Variants in FANCL observed in about 807,000 individuals in gnomAD.
FANCL encodes E3 ubiquitin-protein ligase FANCL.
A neutral mutation model predicts 59.4 loss-of-function variants in FANCL; 69 were observed. That is an observed-to-expected ratio of 1.16 (90% confidence interval 0.96 to 1.42). FANCL has a LOEUF of 1.42. FANCL is among the 40% of genes most tolerant of loss of function. The probability of loss-of-function intolerance (pLI) is 0.00; values close to 1 mark genes in which losing one functional copy is unlikely to be tolerated. For synonymous variants in FANCL, 180 were observed against 147.1 expected, an observed-to-expected ratio of 1.22 and a Z score of -1.62; for missense variants, 519 against 447.2, an observed-to-expected ratio of 1.16 and a Z score of -1.45.
chr2:58,194,360 G>T, intron 7 of FANCL: 1 of 466,980 alleles, frequency 2.1e-6, no homozygotes. Flanking sequence ...TCTCAGTCAA[G>T]AGTATTTACA....
At chr2:58,192,882 CT>C (rs1248084102) in intron 7 of FANCL, among the ~76,000 whole-genome samples, 1 of 151,786 alleles carries the variant, frequency 6.6e-6, no homozygotes, top group Admixed American at 6.6e-5. Flanking sequence ...AACAAAAAAC[CT>C]TGCAAACTTA....
At chr2:58,202,388 A>T (rs927779652) in intron 6 of FANCL, among the ~76,000 whole-genome samples, 84 of 146,146 alleles carry the variant, frequency 5.7e-4, no homozygotes, top group African/African-American at 1.6e-3. Flanking sequence ...TTTTTTTCCT[A>T]AAAAAAAAAA....
chr2:58,204,170 G>A lies in FANCL; in HGVS notation c.431C>T (p.Ser144Phe), dbSNP rs36059257. 6.2e-7 allele frequency: 1 copy of A among 1,613,262 alleles called. No individual in the cohort carries two copies. ...STIKLKAEDA[S>F]GREHLITLKL... ...GAGAGTGATTAAATGCTCTCTACCA[G>A]AAGCATCTTCTGCTTTTAACTTGAT... The change falls in exon 6 of 14, where the codon TCT (serine) becomes TTT (phenylalanine). Residue 144 changes from serine to phenylalanine, a missense_variant. By Grantham distance (155) the Ser-to-Phe change is radical. Transcript: ENST00000233741.
At chr2:58,196,502 C>T (rs948177484) in intron 7 of FANCL, among the ~76,000 whole-genome samples, 3 of 151,846 alleles carry the variant, frequency 2.0e-5, no homozygotes, top group African/African-American at 7.2e-5. Flanking sequence ...CAAAACAAAA[C>T]TTGTATGACC....
In FANCL at chr2:58,168,042, T is replaced by C. The variant is rs867533843; in HGVS notation, c.541-2168A>G. Among the ~76,000 whole-genome samples, 7 of 152,200 alleles carry C rather than the reference T, an allele frequency of 4.6e-5. No individual in the cohort carries two copies. The South Asian group carries it at 1.5e-3, about 32-fold the overall frequency. On this transcript the variant is annotated intron_variant, in intron 7 of 13. Coordinates refer to ENST00000233741, the MANE Select transcript of FANCL (RefSeq NM_018062.4). ...AATACTTTATATACAGCACCACAAA[T>C]GCCAAGAAATAATATGGCCAAAATT... is the stretch of plus-strand genomic sequence containing the variant.
intron 5 of FANCL, among the ~76,000 whole-genome samples, chr2:58,217,171 TATATATA>T (rs1558806338): frequency 4.5e-5 from 1 of 21,986 alleles, no homozygotes; most frequent in African/African-American, 2.0e-4. Flanking sequence ...ATATTTTATA[TATATATA>T]TATATATATA....
intron 3 of FANCL, 109 bp downstream of exon 3, chr2:58,229,705 C>A: frequency 1.2e-6 from 1 of 828,746 alleles, no homozygotes; most frequent in Non-Finnish European, 2.0e-6. Context: ...AACTTAACAA[C>A]TATTAAACCA....
chr2:58,232,940 T>C (rs1188340582), intron 1 of FANCL, among the ~76,000 whole-genome samples: 5 of 152,116 alleles, frequency 3.3e-5, no homozygotes, highest in Non-Finnish European at 7.4e-5. Flanking sequence ...ACAATTACCA[T>C]GTGGAATTTT....
At chr2:58,215,873 G>C (rs868444134) in intron 5 of FANCL, among the ~76,000 whole-genome samples, 2 of 151,610 alleles carry the variant, frequency 1.3e-5, no homozygotes, top group African/African-American at 4.9e-5. Flanking sequence ...GGGAATAAGA[G>C]GATAAAAAGT....
At position 58,165,789 on chromosome 2, in the gene FANCL, T is replaced by G. The variant is rs753922391; in HGVS notation, c.626A>C (p.Glu209Ala). The change falls in exon 8 of 14, where the codon GAG becomes GCG. Residue 209 changes from glutamate to alanine, a missense_variant. Transcript: ENST00000233741. ...TTCTGGCTCAAGTACCCAGGTCTTC[T>G]CATCGATTTCATCCATAACATCCCA... Reference protein sequence around the residue: ...AFWDVMDEIDEKTWVLEPEKP... With the variant: ...AFWDVMDEIDAKTWVLEPEKP... 2 of 1,614,148 alleles carry G rather than the reference T, an allele frequency of 1.2e-6. No individual in the cohort carries two copies. Among genetic ancestry groups the G allele is most frequent in the Non-Finnish European group, 1.7e-6 (2 of 1,179,980 alleles).
At chr2:58,228,779 G>A (rs1334495098) in intron 3 of FANCL, among the ~76,000 whole-genome samples, 2 of 152,174 alleles carry the variant, frequency 1.3e-5, no homozygotes, top group African/African-American at 4.8e-5. Context: ...CAATTGGGGG[G>A]CAAGGAAAGA....
intron 7 of FANCL, among the ~76,000 whole-genome samples, chr2:58,170,893 A>C (rs1686533329): frequency 6.6e-6 from 1 of 152,162 alleles, no homozygotes. Flanking sequence ...AGAGACCTAC[A>C]AAGAGACTTA....
At chr2:58,241,180 A>T in intron 1 of FANCL, 38 bp downstream of exon 1, 1 of 1,596,146 alleles carries the variant, frequency 6.3e-7, no homozygotes, top group South Asian at 1.1e-5. Flanking sequence ...ACGCTGCAAG[A>T]GGCTCTCTTA....
intron 7 of FANCL, 34 bp downstream of exon 7, chr2:58,198,560 A>C: frequency 1.3e-6 from 2 of 1,587,488 alleles, no homozygotes; most frequent in Non-Finnish European, 8.6e-7. Flanking sequence ...AATTACTTAA[A>C]ACAAATTTAA....
At position 58,232,558 on chromosome 2, in the gene FANCL, T is replaced by C. The variant is rs1256216140; in HGVS notation, c.97-446A>G. Reference sequence around the variant, plus strand: ...ATATAGTCGTTTTCAGCTTACTTTCTAAATTTTAATAAAATGAAAATATAT... The same window carrying C: ...ATATAGTCGTTTTCAGCTTACTTTCCAAATTTTAATAAAATGAAAATATAT... On this transcript the variant is annotated intron_variant, in intron 1 of 13. Coordinates refer to ENST00000233741, the MANE Select transcript of FANCL (RefSeq NM_018062.4). 3.9e-5 allele frequency among the ~76,000 whole-genome samples: 6 copies of C among 152,160 alleles called. No homozygotes were observed. In the East Asian group the frequency reaches 1.2e-3, roughly 29 times the overall value.
intron 7 of FANCL, among the ~76,000 whole-genome samples, chr2:58,196,728 T>C (rs1689462968): frequency 6.6e-6 from 1 of 151,958 alleles, no homozygotes; most frequent in Non-Finnish European, 1.5e-5. Context: ...TTTCCACAGA[T>C]AAATGCCTGG....
At chr2:58,194,423 T>C (rs554807573) in intron 7 of FANCL, 3 of 393,460 alleles carry the variant, frequency 7.6e-6, no homozygotes, top group East Asian at 7.2e-5. Context: ...TTTGAAGCAT[T>C]TGTGATGTTA....
chr2:58,173,900 A>T (rs1431344754), intron 7 of FANCL, among the ~76,000 whole-genome samples: 5 of 152,054 alleles, frequency 3.3e-5, no homozygotes, highest in Non-Finnish European at 2.9e-5. Context: ...AAATCTCACA[A>T]GCAGAGACAC....
chr2:58,174,964 C>A (rs1168067717), intron 7 of FANCL, among the ~76,000 whole-genome samples: 2 of 152,124 alleles, frequency 1.3e-5, no homozygotes, highest in Admixed American at 1.3e-4. Flanking sequence ...CACCACCGAT[C>A]CCACAGAAAT....
Sources: allele counts gnomAD v4.1 joint callset (sites outside exome capture counted in the v4.1 genomes callset), GRCh38; gene constraint gnomAD v4.1.1; transcripts MANE v1.5; gene names NCBI Gene and HGNC (gene_info 2026-07-23, HGNC 2026-07-21).